Variants in CMTM8 observed in about 807,000 individuals in gnomAD.
The protein encoded by CMTM8 is CKLF like MARVEL transmembrane domain containing 8.
Under a neutral mutation model 18.6 loss-of-function variants are expected in CMTM8, and 12 were observed. That is an observed-to-expected ratio of 0.65 (90% CI 0.41 to 1.05). The LOEUF is 1.05. CMTM8 is among the 50% of genes least tolerant of loss of function. The pLI is 0.00. For synonymous variants in CMTM8, 87 were observed against 90.6 expected, an observed-to-expected ratio of 0.96 and a Z score of 0.23; for missense variants, 217 against 227.2, an observed-to-expected ratio of 0.95 and a Z score of 0.29.
intron 1 of CMTM8, among the ~76,000 whole-genome samples, chr3:32,292,987 T>C (rs1702805990): frequency 6.6e-6 from 1 of 152,024 alleles, no homozygotes; most frequent in African/African-American, 2.4e-5. Flanking sequence ...CATATCCTAA[T>C]AGATAGATAT....
At chr3:32,266,205 A>G (rs1380725947) in intron 1 of CMTM8, among the ~76,000 whole-genome samples, 3 of 152,248 alleles carry the variant, frequency 2.0e-5, no homozygotes, top group Non-Finnish European at 4.4e-5. Context: ...AAAATCCTCA[A>G]TAAAATACTG....
At chr3:32,351,719 A>G (rs1696712796) in intron 1 of CMTM8, among the ~76,000 whole-genome samples, 2 of 152,010 alleles carry the variant, frequency 1.3e-5, no homozygotes, top group South Asian at 4.1e-4. Flanking sequence ...CTCAAAAAAA[A>G]AAAATATGTA....
intron 1 of CMTM8, among the ~76,000 whole-genome samples, chr3:32,339,384 TAC>T (rs1696448856): frequency 6.6e-6 from 1 of 152,200 alleles, no homozygotes; most frequent in Admixed American, 6.5e-5. Flanking sequence ...AAAGGAATCT[TAC>T]ACAGTTGGAC....
intron 1 of CMTM8, among the ~76,000 whole-genome samples, chr3:32,288,999 C>T (rs1702733644): frequency 6.6e-6 from 1 of 152,148 alleles, no homozygotes; most frequent in South Asian, 2.1e-4. Flanking sequence ...TTGTGTCTTG[C>T]AGTTTCTTTT....
At chr3:32,317,551 A>G (rs1053021752) in intron 1 of CMTM8, among the ~76,000 whole-genome samples, 12 of 152,236 alleles carry the variant, frequency 7.9e-5, no homozygotes, top group African/African-American at 2.9e-4. Context: ...TAGCCATCAC[A>G]ATAATGAATG....
Position 32,367,891 on chromosome 3 carries a change from G to T in CMTM8, c.341G>T (p.Ser114Ile). 1.9e-6 allele frequency: 3 copies of T among 1,613,960 alleles called. No individual in the cohort carries two copies. Among genetic ancestry groups the T allele is most frequent in the Non-Finnish European group, 2.5e-6 (3 of 1,179,916 alleles). ...WTTVGLCFNG[S>I]AFVLYLSAAV... is the part of the protein sequence containing the mutation. ...CCCCAGGGCCTGTGCTTTAACGGCA[G>T]TGCCTTCGTCTTGTACCTCTCTGCC... Residue 114 changes from serine (S) to isoleucine (I), a missense_variant, in exon 3 of 4, where the codon AGT (serine) becomes ATT (isoleucine). Physicochemically the swap from Ser to Ile is moderately radical, Grantham distance 142 (BLOSUM62 -2). Transcript: ENST00000307526.
chr3:32,290,786 A>G (rs1020489192), intron 1 of CMTM8, among the ~76,000 whole-genome samples: 1 of 152,226 alleles, frequency 6.6e-6, no homozygotes, highest in Non-Finnish European at 1.5e-5. Flanking sequence ...TGGGCTAATG[A>G]CAGAGGAACA....
chr3:32,353,848 G>A (rs995630575), intron 1 of CMTM8, among the ~76,000 whole-genome samples: 4 of 146,916 alleles, frequency 2.7e-5, no homozygotes, highest in Non-Finnish European at 5.9e-5. Context: ...GCAGTGGCAC[G>A]ATCTCGGCTC....
chr3:32,240,099 A>C (rs1701928279), intron 1 of CMTM8, among the ~76,000 whole-genome samples: 1 of 152,228 alleles, frequency 6.6e-6, no homozygotes, highest in African/African-American at 2.4e-5. Flanking sequence ...GGAATTGAAA[A>C]TGAGCCTATG....
chr3:32,240,076 T>G (rs1044095685), intron 1 of CMTM8, among the ~76,000 whole-genome samples: 2 of 152,230 alleles, frequency 1.3e-5, no homozygotes, highest in Admixed American at 1.3e-4. Context: ...CACAGACTTT[T>G]GTTAAATATT....
intron 1 of CMTM8, among the ~76,000 whole-genome samples, chr3:32,332,113 AAAAT>A (rs1696287836): frequency 6.6e-6 from 1 of 152,214 alleles, no homozygotes; most frequent in Non-Finnish European, 1.5e-5. Context: ...AGGCAACTGT[AAAAT>A]AAATGAGAAT....
chr3:32,315,026 G>A (rs976491392), intron 1 of CMTM8, among the ~76,000 whole-genome samples: 2 of 152,064 alleles, frequency 1.3e-5, no homozygotes, highest in Non-Finnish European at 2.9e-5. Flanking sequence ...TGACTTTTGA[G>A]TGCCCCAGTG....
chr3:32,324,948 G>C (rs1367171521), intron 1 of CMTM8, among the ~76,000 whole-genome samples: 1 of 152,266 alleles, frequency 6.6e-6, no homozygotes, highest in Non-Finnish European at 1.5e-5. Flanking sequence ...TGTTTGCACA[G>C]AATTCTCTTG....
chr3:32,301,758 G>A (rs1695623189), intron 1 of CMTM8, among the ~76,000 whole-genome samples: 1 of 151,750 alleles, frequency 6.6e-6, no homozygotes, highest in African/African-American at 2.4e-5. Context: ...AAGAAAAATA[G>A]TATTTTTCAG....
chr3:32,340,204 G>T (rs1026178481), intron 1 of CMTM8, among the ~76,000 whole-genome samples: 1 of 152,170 alleles, frequency 6.6e-6, no homozygotes, highest in African/African-American at 2.4e-5. Context: ...AACTCATCCA[G>T]ACAGTAAACT....
At chr3:32,342,128 A>G (rs773624312) in intron 1 of CMTM8, among the ~76,000 whole-genome samples, 7 of 151,832 alleles carry the variant, frequency 4.6e-5, no homozygotes, top group Non-Finnish European at 8.8e-5. Context: ...TGCGCTTGTA[A>G]TCCCAGCTAC....
At chr3:32,285,390 G>A (rs1383534010) in intron 1 of CMTM8, among the ~76,000 whole-genome samples, 2 of 151,918 alleles carry the variant, frequency 1.3e-5, no homozygotes, top group African/African-American at 2.4e-5. Flanking sequence ...TGGCACACAC[G>A]TGTAATTTAA....
In CMTM8 at chr3:32,357,550, A is replaced by G; in HGVS notation, c.321+4A>G. The G allele has an allele frequency of 6.2e-7, 1 of 1,613,926 alleles. No individual in the cohort carries two copies. Among genetic ancestry groups the G allele is most frequent in the Middle Eastern group, 1.7e-4 (1 of 6,054 alleles). ...CCAGGTGCCCTGGACAACAGTGGTA[A>G]GGAAGCTGTGGGTGGTGGTCTTGTC... On this transcript the variant is annotated splice_donor_region_variant and intron_variant, in intron 2 of 3. Coordinates refer to ENST00000307526, the MANE Select transcript of CMTM8 (RefSeq NM_178868.5).
chr3:32,320,481 G>A (rs1311431840), intron 1 of CMTM8, among the ~76,000 whole-genome samples: 1 of 152,180 alleles, frequency 6.6e-6, no homozygotes, highest in African/African-American at 2.4e-5. Context: ...TGGTAGGGGT[G>A]GGAGAGAATG....
Sources: gnomAD v4.1 joint callset for allele counts (sites outside exome capture counted in the v4.1 genomes callset) on GRCh38, gnomAD v4.1.1 for gene constraint, MANE v1.5 for transcripts, NCBI Gene and HGNC (gene_info 2026-07-23, HGNC 2026-07-21) for gene names.